The following SPG11 variants were observed in gnomAD, a reference collection of about 807,000 sequenced individuals.
SPG11 encodes SPG11 vesicle trafficking associated, spatacsin.
In SPG11, 222 loss-of-function variants were observed where a neutral mutation model predicts 274.0. That is an observed-to-expected ratio of 0.81 (90% CI 0.73 to 0.91). SPG11 has a LOEUF of 0.91. SPG11 is among the 40% of genes least tolerant of loss of function. The probability of loss-of-function intolerance (pLI) is 0.00; values close to 1 mark genes in which losing one functional copy is unlikely to be tolerated. For synonymous variants in SPG11, 1,144 were observed against 1,039.7 expected (o/e 1.10, Z -1.93); for missense variants, 3,114 against 2,872.7 (o/e 1.08, Z -1.92).
intron 39 of SPG11, among the ~76,000 whole-genome samples, 161 bp from the exon 40 acceptor site, chr15:44,563,462 C>A (rs547916549): frequency 6.6e-6 from 1 of 151,446 alleles, no homozygotes. Context: ...CCTCAGCCTC[C>A]CGAGTAGGTG....
At chr15:44,663,204 C>A (rs1041631095) in intron 1 of SPG11, among the ~76,000 whole-genome samples, 187 bp downstream of exon 1, 5 of 152,256 alleles carry the variant, frequency 3.3e-5, no homozygotes, top group African/African-American at 1.2e-4. Flanking sequence ...ACGAGGCGAG[C>A]GTTTCAGGTC....
Position 44,622,556 on chromosome 15 carries a change from T to C in SPG11, c.2316+172A>G, listed in dbSNP as rs112793928. 1,958 of 741,836 alleles carry C rather than the reference T, an allele frequency of 2.6e-3. 28 individuals are homozygous for C. The African/African-American group carries it at 0.03, about 11-fold the overall frequency. 46.0% of individuals were successfully genotyped at this position (741,836 alleles called of 1,614,324 possible). A position where few individuals can be genotyped will look rare whatever the true frequency, so the allele number is the denominator to read the frequency against. On this transcript the variant is annotated intron_variant, in intron 12 of 39. Coordinates refer to ENST00000261866, the MANE Select transcript of SPG11 (RefSeq NM_025137.4). ...TTCTTTTGCCACAAATGTAAAATAG[T>C]CATTGAAGAAAGATGAAGGGGAAAA...
chr15:44,603,983 A>G, intron 20 of SPG11: 1 of 166,570 alleles, frequency 6.0e-6, no homozygotes, highest in South Asian at 1.2e-4. Context: ...GACTCCAGTT[A>G]GAAAGAAATA....
Position 44,633,359 on chromosome 15 carries a change from A to G in SPG11, c.1735+146T>C, listed in dbSNP as rs867389030. The stretch of plus-strand genomic sequence containing the variant: ...AAAAAAAAAAAAAAAAAAAAAAAAA[A>G]AAAGAAAGTTTCCAAAAAGTACGTA... On this transcript the variant is annotated intron_variant, in intron 8 of 39. Transcript: ENST00000261866. 359 of 356,618 alleles carry G rather than the reference A, an allele frequency of 1.0e-3. 26 individuals are homozygous for G. In the South Asian group the frequency reaches 0.011, roughly 11 times the overall value. 22.1% of individuals were successfully genotyped at this position (356,618 alleles called of 1,614,324 possible). A position where few individuals can be genotyped will look rare whatever the true frequency, so the allele number is the denominator to read the frequency against.
chr15:44,634,889 A>AT (rs1202495763), intron 7 of SPG11, among the ~76,000 whole-genome samples: 1 of 152,064 alleles, frequency 6.6e-6, no homozygotes, highest in Non-Finnish European at 1.5e-5. Flanking sequence ...TGCATTCTAT[A>AT]TTTTTAATAA....
rs1007836250 is a variant in SPG11, at chr15:44,652,980, G to A, written c.870-714C>T. On this transcript the variant is annotated intron_variant, in intron 4 of 39. Transcript: ENST00000261866. ...AAGTAAGATTTAGGCTGCGACCAGA[G>A]GAATGCATAAGAACTAGAAGGTAAA... Among the ~76,000 whole-genome samples, 3 of 152,236 alleles carry A rather than the reference G, an allele frequency of 2.0e-5. No individual in the cohort carries two copies. The South Asian group carries it at 6.2e-4, about 32-fold the overall frequency.
chr15:44,663,514 G>A lies in SPG11; in HGVS notation c.134C>T (p.Ala45Val), dbSNP rs775050849. Residue 45 changes from alanine to valine, a missense_variant, in exon 1 of 40, where the codon GCG (alanine) becomes GTG (valine). By Grantham distance (64) the Ala-to-Val change is moderately conservative. Coordinates refer to ENST00000261866, the MANE Select transcript of SPG11 (RefSeq NM_025137.4). Reference protein sequence around the residue: ...AEAMGQLGSRAQLRTQPEALG... With the variant: ...AEAMGQLGSRVQLRTQPEALG... ...AGCCTCCGGCTGTGTGCGCAGCTGC[G>A]CCCGGGAGCCGAGCTGCCCCATCGC... 3.1e-6 allele frequency: 5 copies of A among 1,595,326 alleles called. No individual in the cohort carries two copies. In the African/African-American group the frequency reaches 4.0e-5, roughly 13 times the overall value.
Position 44,584,559 on chromosome 15 carries a change from C to T in SPG11, c.5122-1G>A, listed in dbSNP as rs2140947703. ...TTAGGGTCTGCATTTCCTGTGTTATCTGTGAAATTTAACAAAGCAGATTTT... is the reference window on the plus strand; with the variant it reads ...TTAGGGTCTGCATTTCCTGTGTTATTTGTGAAATTTAACAAAGCAGATTTT... On this transcript the variant is annotated splice_acceptor_variant, in intron 29 of 39. Transcript: ENST00000261866. LOFTEE classifies it high-confidence loss of function. 6.2e-7 allele frequency: 1 copy of T among 1,607,952 alleles called. No homozygotes were observed. The highest frequency in any genetic ancestry group is 8.5e-7 in the Non-Finnish European group (1 of 1,179,984).
chr15:44,595,932 G>A, intron 25 of SPG11, 151 bp downstream of exon 25: 1 of 1,051,256 alleles, frequency 9.5e-7, no homozygotes. Context: ...GCCTAAGCTA[G>A]AGAAGCACAA....
Position 44,657,294 on chromosome 15 carries a change from T to C in SPG11, c.670A>G (p.Ile224Val), listed in dbSNP as rs2084969218. 2 of 1,614,176 alleles carry C rather than the reference T, an allele frequency of 1.2e-6. No homozygotes were observed. The highest frequency in any genetic ancestry group is 1.3e-5 in the African/African-American group (1 of 75,074). ...TATGTACCATCCACAACATCAAAAATGTCTTTTAGTTAGAGTTAAAAGAAA... is the reference window on the plus strand; with the variant it reads ...TATGTACCATCCACAACATCAAAAACGTCTTTTAGTTAGAGTTAAAAGAAA... Reference protein sequence around the residue: ...FVLSSLGWIYIFDVVDGTYVA... With the variant: ...FVLSSLGWIYVFDVVDGTYVA... The change falls in exon 4 of 40, where the codon ATT becomes GTT. Residue 224 changes from isoleucine (I) to valine (V), a missense_variant and splice_region_variant. Transcript: ENST00000261866.
In SPG11 at chr15:44,635,441, T is replaced by TA. The variant is rs985925199; in HGVS notation, c.1603-1805dup. Among the ~76,000 whole-genome samples the TA allele has an allele frequency of 7.2e-4, 108 of 150,960 alleles. 1 individual carries two copies. Among genetic ancestry groups the TA allele is most frequent in the Admixed American group, 2.0e-3 (30 of 15,134 alleles). On this transcript the variant is annotated intron_variant, in intron 7 of 39. Transcript: ENST00000261866. Reference sequence around the variant, plus strand: ...GTTTTAGTAAAGACCTTGTCTCTACTAAAAAAAATTAAAAAGTAGCTGGGT... The same window carrying TA: ...GTTTTAGTAAAGACCTTGTCTCTACTAAAAAAAAATTAAAAAGTAGCTGGGT...
At chr15:44,660,740 C>T (rs940519092) in intron 1 of SPG11, 124 bp from the exon 2 acceptor site, 19 of 875,056 alleles carry the variant, frequency 2.2e-5, no homozygotes, top group Admixed American at 1.3e-4. Context: ...TCATTCTACA[C>T]TTCAATCTAA....
At position 44,625,869 on chromosome 15, in the gene SPG11, G is replaced by A. The variant is rs540677157; in HGVS notation, c.2244+462C>T. Among the ~76,000 whole-genome samples, 6 of 151,252 alleles carry A rather than the reference G, an allele frequency of 4.0e-5. No homozygotes were observed. The South Asian group carries it at 6.3e-4, about 16-fold the overall frequency. On this transcript the variant is annotated intron_variant, in intron 11 of 39. Coordinates refer to ENST00000261866, the MANE Select transcript of SPG11 (RefSeq NM_025137.4). ...TTATTTTTCTACTTTTAGTAGAGAC[G>A]GGGTTTCGCCATGTTGGTCAGGCTG...
chr15:44,572,801 G>A lies in SPG11; in HGVS notation c.6225C>T (p.Asn2075=), dbSNP rs539318319. The change falls in exon 33 of 40, where the codon AAC becomes AAT. Residue 2075 remains asparagine, a synonymous_variant. Transcript: ENST00000261866. ...SQGTGHKQMF[N]PTEESQTFLQ... Reference sequence around the variant, plus strand: ...GAAATGTCTGGCTTTCCTCTGTTGGGTTGAACATCTGCTTATGTCCTGTAC... The same window carrying A: ...GAAATGTCTGGCTTTCCTCTGTTGGATTGAACATCTGCTTATGTCCTGTAC... The A allele has an allele frequency of 9.9e-6, 16 of 1,613,958 alleles. No homozygotes were observed. In the South Asian group the frequency reaches 1.6e-4, roughly 17 times the overall value.
chr15:44,628,747 A>T lies in SPG11; in HGVS notation c.1989T>A (p.Asp663Glu), dbSNP rs1321387321. Residue 663 changes from aspartate to glutamate, a missense_variant, in exon 10 of 40, where the codon GAT becomes GAA. By Grantham distance (45) the Asp-to-Glu change is conservative (BLOSUM62 2). Coordinates refer to ENST00000261866, the MANE Select transcript of SPG11 (RefSeq NM_025137.4). The part of the protein sequence containing the change: ...FMIKFPWKLT[D>E]AIDEYDVHEN... Reference sequence around the variant, plus strand: ...CATGTACATCATATTCATCTATAGCATCTGTTAGCTTCCAAGGAAACTTTA... The same window carrying T: ...CATGTACATCATATTCATCTATAGCTTCTGTTAGCTTCCAAGGAAACTTTA... The T allele has an allele frequency of 1.9e-6, 3 of 1,613,562 alleles. No homozygotes were observed. The highest frequency in any genetic ancestry group is 2.5e-6 in the Non-Finnish European group (3 of 1,179,810).
intron 30 of SPG11, among the ~76,000 whole-genome samples, chr15:44,579,526 C>CAAAAAAAAAA (rs954664107): frequency 9.7e-4 from 50 of 51,748 alleles, no homozygotes; most frequent in African/African-American, 1.3e-3. Context: ...GACTCCGTCT[C>CAAAAAAAAAA]AAAAAAAAAA....
chr15:44,569,323 T>C (rs185611574), intron 35 of SPG11, 75 bp downstream of exon 35: 23 of 1,093,080 alleles, frequency 2.1e-5, no homozygotes, highest in African/African-American at 7.8e-5. Context: ...TGACTGAGAT[T>C]ATTCCTGAGA....
chr15:44,641,132 G>GA (rs2084427349), intron 7 of SPG11, among the ~76,000 whole-genome samples: 1 of 152,098 alleles, frequency 6.6e-6, no homozygotes, highest in Non-Finnish European at 1.5e-5. Flanking sequence ...ACTTAAATGT[G>GA]AAAATCATAA....
Position 44,584,268 on chromosome 15 carries a change from GCA to G in SPG11, c.5410_5411del (p.Cys1804ProfsTer25), listed in dbSNP as rs312262766. ...TTCCAAGAGTGTGCTGGGTGATGCGGCACAGCCAGATCTGCTTCTCCAGCTCC... is the reference window on the plus strand; with the variant it reads ...TTCCAAGAGTGTGCTGGGTGATGCGGCAGCCAGATCTGCTTCTCCAGCTCC... Reference protein sequence around the residue: ...LEELEKQIWLCRITQHTLGRN... With the variant: ...LEELEKQIWLXRITQHTLGRN... On this transcript the variant is annotated frameshift_variant, in exon 30 of 40. Transcript: ENST00000261866. LOFTEE classifies it high-confidence loss of function. 2 of 1,613,948 alleles carry G rather than the reference GCA, an allele frequency of 1.2e-6. No individual in the cohort carries two copies. The highest frequency in any genetic ancestry group is 4.5e-5 in the East Asian group (2 of 44,866).
Sources: gnomAD v4.1 joint callset for allele counts (sites outside exome capture counted in the v4.1 genomes callset) on GRCh38, gnomAD v4.1.1 for gene constraint, MANE v1.5 for transcripts, NCBI Gene and HGNC (gene_info 2026-07-23, HGNC 2026-07-21) for gene names.